PCDH9: variants seen among roughly 807,000 people sequenced by gnomAD.
PCDH9 encodes protocadherin 9, also known as protocadherin-9.
A neutral mutation model predicts 70.6 loss-of-function variants in PCDH9; 24 were observed. That is an observed-to-expected ratio of 0.34 (90% CI 0.25 to 0.48). The LOEUF (loss-of-function observed/expected upper bound fraction) is 0.48. PCDH9 is among the 20% of genes least tolerant of loss of function. The pLI, the probability that PCDH9 is intolerant of heterozygous loss-of-function variation, is 0.99. For synonymous variants in PCDH9, 562 were observed against 558.5 expected (o/e 1.01, Z -0.09); for missense variants, 1,281 against 1,503.6 (o/e 0.85, Z 2.45).
At chr13:66,847,033 T>C (rs975704103) in intron 3 of PCDH9, among the ~76,000 whole-genome samples, 3 of 152,068 alleles carry the variant, frequency 2.0e-5, no homozygotes, top group Non-Finnish European at 4.4e-5. Flanking sequence ...AATAAATAAA[T>C]ATTAGAAACT....
Position 67,225,757 on chromosome 13 carries a change from G to C in PCDH9, c.2684C>G (p.Ala895Gly), listed in dbSNP as rs2089845815. Residue 895 changes from alanine (A) to glycine (G), a missense_variant, in exon 2 of 5, where the codon GCA (alanine) becomes GGA (glycine). Around this residue, in one of 4 missense-constraint regions of PCDH9, gnomAD observed 207 missense variants for 191.8 expected, o/e 1.08. Coordinates refer to ENST00000377865, the MANE Select transcript of PCDH9 (RefSeq NM_203487.3). ...VTIEESKPDD[A>G]VHEPINGTIS... ...TGTCCCATTGATAGGTTCATGAACTGCATCATCGGGTTTGGACTCTTCGAT... is the reference window on the plus strand; with the variant it reads ...TGTCCCATTGATAGGTTCATGAACTCCATCATCGGGTTTGGACTCTTCGAT... 6.2e-7 allele frequency: 1 copy of C among 1,613,842 alleles called. No individual in the cohort carries two copies.
At chr13:66,937,753 A>G (rs191482971) in intron 2 of PCDH9, among the ~76,000 whole-genome samples, 6 of 152,238 alleles carry the variant, frequency 3.9e-5, no homozygotes, top group Non-Finnish European at 7.4e-5. Flanking sequence ...CAAGTAAGGC[A>G]AACACCGAGC....
intron 4 of PCDH9, among the ~76,000 whole-genome samples, chr13:66,460,383 T>G (rs1958402113): frequency 6.6e-6 from 1 of 151,928 alleles, no homozygotes; most frequent in African/African-American, 2.4e-5. Context: ...AGGAATGAAT[T>G]CTGCACCTGC....
chr13:66,876,159 T>C (rs1422061580), intron 3 of PCDH9, among the ~76,000 whole-genome samples: 2 of 152,220 alleles, frequency 1.3e-5, no homozygotes, highest in Admixed American at 6.5e-5. Context: ...ATTAAAATAT[T>C]GTCATAACTT....
chr13:66,333,835 C>T (rs1388425202), intron 4 of PCDH9, among the ~76,000 whole-genome samples: 1 of 152,054 alleles, frequency 6.6e-6, no homozygotes, highest in Non-Finnish European at 1.5e-5. Context: ...CTTGTTAGGC[C>T]ATGGGATCCA....
chr13:66,424,777 C>T (rs533679099), intron 4 of PCDH9, among the ~76,000 whole-genome samples: 8 of 151,986 alleles, frequency 5.3e-5, no homozygotes, highest in African/African-American at 1.4e-4. Context: ...ATATAATTTA[C>T]GTTTGTGTAA....
At chr13:66,783,784 C>A (rs2080037029) in intron 3 of PCDH9, among the ~76,000 whole-genome samples, 1 of 152,026 alleles carries the variant, frequency 6.6e-6, no homozygotes, top group Non-Finnish European at 1.5e-5. Context: ...CATTATACGT[C>A]CTCTATTTCT....
At chr13:67,091,791 T>C (rs2086224034) in intron 2 of PCDH9, among the ~76,000 whole-genome samples, 1 of 152,208 alleles carries the variant, frequency 6.6e-6, no homozygotes, top group Admixed American at 6.5e-5. Context: ...TCCTCGGTCA[T>C]GTCATAGACA....
chr13:66,980,744 T>TTTTTTTTTTTTC (rs2083743544), intron 2 of PCDH9, among the ~76,000 whole-genome samples: 1 of 145,334 alleles, frequency 6.9e-6, no homozygotes, highest in African/African-American at 2.5e-5. Context: ...TTTTTTTTGT[T>TTTTTTTTTTTTC]TTTTTTTTTA....
intron 2 of PCDH9, among the ~76,000 whole-genome samples, chr13:66,985,319 T>A (rs966523164): frequency 1.3e-5 from 2 of 152,154 alleles, no homozygotes; most frequent in African/African-American, 4.8e-5. Flanking sequence ...ATGTGTAGCC[T>A]GTAAGCTACA....
At chr13:67,073,091 C>G (rs1489738151) in intron 2 of PCDH9, among the ~76,000 whole-genome samples, 1 of 152,044 alleles carries the variant, frequency 6.6e-6, no homozygotes, top group Non-Finnish European at 1.5e-5. Flanking sequence ...TTTATACACC[C>G]AATAATCACA....
At chr13:66,588,593 C>A (rs2076995794) in intron 4 of PCDH9, among the ~76,000 whole-genome samples, 1 of 151,642 alleles carries the variant, frequency 6.6e-6, no homozygotes, top group Non-Finnish European at 1.5e-5. Flanking sequence ...AAAATCAGTG[C>A]ACAAGGAAAT....
chr13:66,363,957 C>A lies in PCDH9; in HGVS notation c.3341-58929G>T, dbSNP rs377609296. 2.6e-5 allele frequency among the ~76,000 whole-genome samples: 4 copies of A among 152,186 alleles called. No individual in the cohort carries two copies. In the East Asian group the frequency reaches 5.8e-4, roughly 22 times the overall value. On this transcript the variant is annotated intron_variant, in intron 4 of 4. Transcript: ENST00000377865. ...ATCACCTGAGGTCAGGAGTTCGAGA[C>A]CAGCCTGGCCAACATGGTGAAACCC...
At chr13:66,695,283 A>G (rs946136348) in intron 3 of PCDH9, among the ~76,000 whole-genome samples, 6 of 152,196 alleles carry the variant, frequency 3.9e-5, no homozygotes, top group African/African-American at 1.4e-4. Flanking sequence ...GTAGTTTACT[A>G]AATCTGAGAA....
intron 2 of PCDH9, among the ~76,000 whole-genome samples, chr13:67,125,726 TC>T (rs1290211404): frequency 6.6e-6 from 1 of 152,156 alleles, no homozygotes. Flanking sequence ...TACTTGTCTT[TC>T]CCATATTCTT....
chr13:66,551,884 G>C (rs753391882), intron 4 of PCDH9, among the ~76,000 whole-genome samples: 15 of 152,210 alleles, frequency 9.9e-5, no homozygotes, highest in Admixed American at 3.3e-4. Context: ...TTCAAATAAA[G>C]AAATAAATGT....
chr13:66,761,215 C>A (rs2079622061), intron 3 of PCDH9, among the ~76,000 whole-genome samples: 1 of 152,078 alleles, frequency 6.6e-6, no homozygotes, highest in African/African-American at 2.4e-5. Flanking sequence ...ACGGAACCTG[C>A]TGACATGTGA....
intron 4 of PCDH9, among the ~76,000 whole-genome samples, chr13:66,381,791 G>A (rs934292436): frequency 2.0e-5 from 3 of 152,124 alleles, no homozygotes; most frequent in East Asian, 1.9e-4. Flanking sequence ...TTCCCTGTAA[G>A]CATCTTATGT....
In PCDH9 at chr13:67,151,069, T is replaced by C. The variant is rs182504787; in HGVS notation, c.3036+74336A>G. ...ATACTGTTCCCTCTGCCCTCACTTA[T>C]TTTAATCCAGAAAAATTCTCCATCT... is the stretch of plus-strand genomic sequence containing the variant. On this transcript the variant is annotated intron_variant, in intron 2 of 4. Transcript: ENST00000377865. 1.1e-3 allele frequency among the ~76,000 whole-genome samples: 168 copies of C among 152,310 alleles called. 1 individual carries two copies. Among genetic ancestry groups the C allele is most frequent in the African/African-American group, 3.9e-3 (161 of 41,574 alleles).
Sources: allele counts gnomAD v4.1 joint callset (sites outside exome capture counted in the v4.1 genomes callset), GRCh38; gene constraint gnomAD v4.1.1; regional missense constraint gnomAD v4.1.1; transcripts MANE v1.5; gene names NCBI Gene and HGNC (gene_info 2026-07-23, HGNC 2026-07-21).